PTPRT: variants seen among roughly 807,000 people sequenced by gnomAD.
The protein encoded by PTPRT is receptor-type tyrosine-protein phosphatase T.
In PTPRT, 56 loss-of-function variants were observed where a neutral mutation model predicts 176.8. The ratio of observed to expected loss-of-function variants is 0.32; its 90% CI spans 0.26 to 0.40. PTPRT has a LOEUF of 0.40. Among genes scored for constraint, PTPRT ranks in the 10% least tolerant of loss-of-function variants. PTPRT has a pLI of 1.00. For synonymous variants in PTPRT, 783 were observed against 739.0 expected, an observed-to-expected ratio of 1.06 and a Z score of -0.96; for missense variants, 1,540 against 1,908.2, an observed-to-expected ratio of 0.81 and a Z score of 3.60.
chr20:42,562,060 G>A (rs2072961341), intron 7 of PTPRT, among the ~76,000 whole-genome samples: 1 of 152,178 alleles, frequency 6.6e-6, no homozygotes, highest in Non-Finnish European at 1.5e-5. Flanking sequence ...CTGGGTTTCA[G>A]TTGCTTCGTC....
intron 11 of PTPRT, among the ~76,000 whole-genome samples, chr20:42,349,670 A>T (rs1291876828): frequency 6.6e-6 from 1 of 152,208 alleles, no homozygotes; most frequent in African/African-American, 2.4e-5. Context: ...CTGGTACATA[A>T]CATACTGAGT....
At chr20:42,218,852 G>T (rs926219633) in intron 15 of PTPRT, among the ~76,000 whole-genome samples, 6 of 152,140 alleles carry the variant, frequency 3.9e-5, no homozygotes, top group African/African-American at 1.4e-4. Flanking sequence ...GAACTGATCG[G>T]GATGTCAAAA....
At chr20:42,081,753 A>G (rs1292512815) in intron 30 of PTPRT, 129 bp downstream of exon 30, 1 of 1,233,426 alleles carries the variant, frequency 8.1e-7, no homozygotes, top group East Asian at 2.3e-5. Context: ...AGTGCATACC[A>G]AGGGCACAGA....
At chr20:42,108,040 TAG>T (rs758792745) in intron 23 of PTPRT, among the ~76,000 whole-genome samples, 2 of 151,926 alleles carry the variant, frequency 1.3e-5, no homozygotes, top group Admixed American at 1.3e-4. Flanking sequence ...GGAGGGAGTA[TAG>T]GGGGGGTCAC....
the PTPRT span, among the ~76,000 whole-genome samples, chr20:42,066,769 C>A: frequency 6.6e-6 from 1 of 152,040 alleles, no homozygotes. Context: ...TGATGATATC[C>A]TTTTATAATT....
chr20:42,115,777 G>T (rs1280916577), intron 21 of PTPRT, among the ~76,000 whole-genome samples: 1 of 152,150 alleles, frequency 6.6e-6, no homozygotes, highest in Non-Finnish European at 1.5e-5. Flanking sequence ...GAGCAAAGAT[G>T]AGAATAAAAG....
intron 1 of PTPRT, among the ~76,000 whole-genome samples, chr20:43,017,850 G>C (rs1985449848): frequency 6.6e-6 from 1 of 152,236 alleles, no homozygotes; most frequent in Non-Finnish European, 1.5e-5. Context: ...AGTGGGCACT[G>C]AGGCAGTGCG....
intron 7 of PTPRT, 24 bp from the exon 8 acceptor site, chr20:42,472,586 C>G: frequency 2.5e-6 from 4 of 1,609,198 alleles, no homozygotes; most frequent in Non-Finnish European, 3.4e-6. Context: ...AGGCAAGAAA[C>G]AAGGGTTCTG....
At chr20:42,794,085 C>T (rs924511890) in intron 2 of PTPRT, among the ~76,000 whole-genome samples, 1 of 152,190 alleles carries the variant, frequency 6.6e-6, no homozygotes, top group African/African-American at 2.4e-5. Context: ...TCTTTCCATC[C>T]TAGCTTCGGT....
At position 43,102,448 on chromosome 20, in the gene PTPRT, C is replaced by G. The variant is rs2012434460; in HGVS notation, c.88+87198G>C. ...GACATAAGTGTATTTTCAATAAATC[C>G]ACCAAAATATTTATTTTATTTCAAC... On this transcript the variant is annotated intron_variant, in intron 1 of 30. Transcript: ENST00000373187. Among the ~76,000 whole-genome samples, 3 of 152,070 alleles carry G rather than the reference C, an allele frequency of 2.0e-5. No individual in the cohort carries two copies. The South Asian group carries it at 6.2e-4, about 31-fold the overall frequency.
intron 15 of PTPRT, among the ~76,000 whole-genome samples, chr20:42,221,531 C>T (rs935583032): frequency 2.0e-5 from 3 of 146,470 alleles, no homozygotes; most frequent in Admixed American, 2.0e-4. Flanking sequence ...GAAACTGCCA[C>T]TTTTTTTTTT....
chr20:42,705,266 A>T (rs1600638871), intron 6 of PTPRT, among the ~76,000 whole-genome samples: 1 of 152,316 alleles, frequency 6.6e-6, no homozygotes, highest in East Asian at 1.9e-4. Context: ...GAGCAGGCTT[A>T]GAGTGAGCAA....
intron 21 of PTPRT, chr20:42,115,903 G>A: frequency 4.9e-6 from 3 of 613,324 alleles, no homozygotes; most frequent in Non-Finnish European, 8.9e-6. Flanking sequence ...GTAGCTGCTG[G>A]ACTCCAAGGG....
chr20:42,261,430 A>G (rs2056747244), intron 13 of PTPRT, among the ~76,000 whole-genome samples: 1 of 148,186 alleles, frequency 6.7e-6, no homozygotes, highest in Non-Finnish European at 1.5e-5. Flanking sequence ...ACTCACAGGT[A>G]CTGGGGTTAT....
Position 42,419,908 on chromosome 20 carries a change from C to T in PTPRT, c.1560+28312G>A, listed in dbSNP as rs183236593. Among the ~76,000 whole-genome samples the T allele has an allele frequency of 1.1e-4, 17 of 152,250 alleles. No homozygotes were observed. The East Asian group carries it at 1.4e-3, about 12-fold the overall frequency. ...ACCTAGCGAGAACGCCACGTGGAGA[C>T]AGAAGCGAGACTGGAGCAATGCAGC... On this transcript the variant is annotated intron_variant, in intron 9 of 30. Coordinates refer to ENST00000373187, the MANE Select transcript of PTPRT (RefSeq NM_007050.6).
chr20:42,949,582 CTTTGA>C (rs1179169031), intron 1 of PTPRT, among the ~76,000 whole-genome samples: 1 of 152,140 alleles, frequency 6.6e-6, no homozygotes, highest in Non-Finnish European at 1.5e-5. Flanking sequence ...CCATTTTTGC[CTTTGA>C]TCCACCCCAG....
chr20:42,572,475 C>T (rs2073173685), intron 7 of PTPRT, among the ~76,000 whole-genome samples: 1 of 152,080 alleles, frequency 6.6e-6, no homozygotes, highest in Admixed American at 6.5e-5. Flanking sequence ...ACAGGCCATG[C>T]TCTCATTTAC....
chr20:42,164,095 G>A (rs1191267518), intron 16 of PTPRT, among the ~76,000 whole-genome samples: 1 of 152,206 alleles, frequency 6.6e-6, no homozygotes, highest in Non-Finnish European at 1.5e-5. Context: ...TGATTTCTAT[G>A]AAAGGATGAG....
At chr20:42,301,159 T>G (rs778589825) in intron 12 of PTPRT, among the ~76,000 whole-genome samples, 73 of 152,338 alleles carry the variant, frequency 4.8e-4, no homozygotes, top group Non-Finnish European at 7.8e-4. Context: ...GAGAAAACCT[T>G]AATGGACAAC....
Sources: allele counts gnomAD v4.1 joint callset (sites outside exome capture counted in the v4.1 genomes callset), GRCh38; gene constraint gnomAD v4.1.1; transcripts MANE v1.5; gene names NCBI Gene and HGNC (gene_info 2026-07-23, HGNC 2026-07-21).